The following AAGAB variants were observed in gnomAD, a reference collection of about 807,000 sequenced individuals.
AAGAB encodes the protein alpha and gamma adaptin binding protein, also known as alpha- and gamma-adaptin-binding protein p34.
In AAGAB, 38 loss-of-function variants were observed where a neutral mutation model predicts 44.1. That is an observed-to-expected ratio of 0.86 (90% CI 0.67 to 1.13). AAGAB has a LOEUF of 1.13. AAGAB is among the 50% of genes most tolerant of loss of function. AAGAB has a pLI of 0.00. For synonymous variants in AAGAB, 131 were observed against 131.8 expected, an observed-to-expected ratio of 0.99 and a Z score of 0.04; for missense variants, 450 against 373.8, an observed-to-expected ratio of 1.20 and a Z score of -1.68.
intron 5 of AAGAB, among the ~76,000 whole-genome samples, chr15:67,229,801 G>A (rs576586801): frequency 7.9e-5 from 12 of 151,808 alleles, no homozygotes; most frequent in Non-Finnish European, 1.8e-4. Flanking sequence ...CCTTTATCAC[G>A]GAAGATGGGG....
intron 5 of AAGAB, among the ~76,000 whole-genome samples, chr15:67,211,103 A>C (rs1476696143): frequency 1.3e-5 from 2 of 152,196 alleles, no homozygotes; most frequent in Non-Finnish European, 2.9e-5. Context: ...TCTGCCTTTT[A>C]AACTGGGATG....
At position 67,202,722 on chromosome 15, in the gene AAGAB, C is replaced by G; in HGVS notation, c.*99G>C. 8.8e-7 allele frequency: 1 copy of G among 1,133,602 alleles called. No individual in the cohort carries two copies. Among genetic ancestry groups the G allele is most frequent in the Non-Finnish European group, 1.3e-6 (1 of 750,280 alleles). 70.2% of individuals were successfully genotyped at this position (1,133,602 alleles called of 1,614,324 possible). On this transcript the variant is annotated 3_prime_UTR_variant, in exon 10 of 10. Transcript: ENST00000261880. ...CCCTATAAACAAGTCAGGCAGCCAA[C>G]ATGATAAGGGCAATTTTGGCAAAAT...
At chr15:67,209,569 G>C (rs1422471102) in intron 5 of AAGAB, 25 bp from the exon 6 acceptor site, 1 of 1,572,046 alleles carries the variant, frequency 6.4e-7, no homozygotes, top group African/African-American at 1.4e-5. Context: ...TACACTTAGT[G>C]AAATTTGTCA....
intron 1 of AAGAB, among the ~76,000 whole-genome samples, chr15:67,248,052 A>C (rs1289656838): frequency 6.6e-6 from 1 of 152,168 alleles, no homozygotes; most frequent in African/African-American, 2.4e-5. Context: ...CTTTAACTTC[A>C]CATACACACA....
intron 9 of AAGAB, 22 bp from the exon 10 acceptor site, chr15:67,202,920 A>G: frequency 1.2e-6 from 2 of 1,611,438 alleles, no homozygotes; most frequent in Non-Finnish European, 1.7e-6. Context: ...AGCATGCAAC[A>G]AATTTTAGGC....
intron 5 of AAGAB, among the ~76,000 whole-genome samples, chr15:67,214,782 A>G (rs1963903617): frequency 6.6e-6 from 1 of 151,970 alleles, no homozygotes; most frequent in Non-Finnish European, 1.5e-5. Flanking sequence ...CTGGGACTCC[A>G]GGCGTCCGCC....
At chr15:67,230,004 AC>A (rs776381652) in intron 5 of AAGAB, among the ~76,000 whole-genome samples, 2 of 149,234 alleles carry the variant, frequency 1.3e-5, no homozygotes, top group Non-Finnish European at 3.0e-5. Flanking sequence ...GTGCCATCAC[AC>A]CCAGCTAATT....
chr15:67,210,779 A>G (rs1963799727), intron 5 of AAGAB, among the ~76,000 whole-genome samples: 1 of 152,230 alleles, frequency 6.6e-6, no homozygotes, highest in Admixed American at 6.5e-5. Context: ...AGATCATGGA[A>G]TCTCAACTTT....
At position 67,227,352 on chromosome 15, in the gene AAGAB, A is replaced by C. The variant is rs148115455; in HGVS notation, c.535+4462T>G. Reference sequence around the variant, plus strand: ...ATTTTTTTTTTTACTTTGTCAACCAACTTTTTAATTAAAAAAACTTTTTGG... The same window carrying C: ...ATTTTTTTTTTTACTTTGTCAACCACCTTTTTAATTAAAAAAACTTTTTGG... On this transcript the variant is annotated intron_variant, in intron 5 of 9. Transcript: ENST00000261880. Among the ~76,000 whole-genome samples the C allele has an allele frequency of 4.6e-3, 698 of 152,210 alleles. 7 individuals carry two copies. The highest frequency in any genetic ancestry group is 0.016 in the African/African-American group (677 of 41,536).
intron 1 of AAGAB, 121 bp downstream of exon 1, chr15:67,254,438 G>A (rs886497224): frequency 3.4e-6 from 5 of 1,456,010 alleles, no homozygotes; most frequent in African/African-American, 1.4e-5. Context: ...CGCCTCCACT[G>A]ACTGGAGGAA....
chr15:67,241,488 T>C (rs1375115258), intron 1 of AAGAB, among the ~76,000 whole-genome samples: 1 of 152,220 alleles, frequency 6.6e-6, no homozygotes. Context: ...TCCACTCTTC[T>C]GGAGACCCAA....
At chr15:67,248,868 C>T (rs1175031279) in intron 1 of AAGAB, among the ~76,000 whole-genome samples, 2 of 152,174 alleles carry the variant, frequency 1.3e-5, no homozygotes, top group Admixed American at 6.5e-5. Flanking sequence ...GAATTTCAAA[C>T]ACAAAAGGTT....
chr15:67,213,083 C>T lies in AAGAB; in HGVS notation c.536-3539G>A, dbSNP rs150002863. Among the ~76,000 whole-genome samples the T allele has an allele frequency of 4.2e-3, 646 of 152,238 alleles. 3 individuals carry two copies. Among genetic ancestry groups the T allele is most frequent in the South Asian group, 0.011 (52 of 4,828 alleles). ...TGATTCTTATGGAACTTCAGGGATG[C>T]AGAAAGGGGCAGCTGTTAAGTGATG... On this transcript the variant is annotated intron_variant, in intron 5 of 9. Transcript: ENST00000261880.
At chr15:67,203,026 T>C (rs990435880) in intron 9 of AAGAB, 128 bp from the exon 10 acceptor site, 2 of 772,808 alleles carry the variant, frequency 2.6e-6, no homozygotes, top group African/African-American at 3.4e-5. Flanking sequence ...GCAACACATA[T>C]CAGAACCCTT....
chr15:67,248,740 C>G (rs1188512100), intron 1 of AAGAB, among the ~76,000 whole-genome samples: 1 of 152,228 alleles, frequency 6.6e-6, no homozygotes, highest in East Asian at 1.9e-4. Flanking sequence ...ATGAATATGG[C>G]TGGCTTTCCT....
Position 67,224,378 on chromosome 15 carries a change from G to A in AAGAB, c.535+7436C>T, listed in dbSNP as rs533866063. On this transcript the variant is annotated intron_variant, in intron 5 of 9. Transcript: ENST00000261880. The stretch of plus-strand genomic sequence containing the variant: ...CCCAGATAATCAGGTACTTATAAAA[G>A]CTGTATTATTTCTTTCAGATCTTAA... Among the ~76,000 whole-genome samples, 5 of 152,166 alleles carry A rather than the reference G, an allele frequency of 3.3e-5. No homozygotes were observed. In the East Asian group the frequency reaches 7.7e-4, roughly 24 times the overall value.
At chr15:67,214,929 G>A (rs1204331861) in intron 5 of AAGAB, among the ~76,000 whole-genome samples, 3 of 151,588 alleles carry the variant, frequency 2.0e-5, no homozygotes, top group African/African-American at 7.3e-5. Context: ...TGTGAGCCAC[G>A]GCACCCGGCA....
intron 1 of AAGAB, among the ~76,000 whole-genome samples, chr15:67,247,841 A>C (rs1380681476): frequency 6.6e-6 from 1 of 152,176 alleles, no homozygotes; most frequent in Non-Finnish European, 1.5e-5. Flanking sequence ...CTAATTGTAA[A>C]CTGATTTTGA....
At chr15:67,209,603 G>T in intron 5 of AAGAB, 59 bp from the exon 6 acceptor site, 1 of 1,323,142 alleles carries the variant, frequency 7.6e-7, no homozygotes, top group Non-Finnish European at 1.1e-6. Flanking sequence ...CTGTTCAAAT[G>T]GCTATGATGA....
Sources: allele counts gnomAD v4.1 joint callset (sites outside exome capture counted in the v4.1 genomes callset), GRCh38; gene constraint gnomAD v4.1.1; transcripts MANE v1.5; gene names NCBI Gene and HGNC (gene_info 2026-07-23, HGNC 2026-07-21).